Variants in NTRK3 observed in about 807,000 individuals in gnomAD.
The protein encoded by NTRK3 is NT-3 growth factor receptor.
In NTRK3, 24 loss-of-function variants were observed where a neutral mutation model predicts 91.7. That is an observed-to-expected ratio of 0.26 (90% CI 0.19 to 0.37). The LOEUF (loss-of-function observed/expected upper bound fraction) is 0.37, where lower values mean the gene tolerates loss of function less well. NTRK3 is among the 10% of genes least tolerant of loss of function. The pLI, the probability that NTRK3 is intolerant of heterozygous loss-of-function variation, is 1.00. For missense variants in NTRK3, 880 were observed against 1,068.9 expected, an observed-to-expected ratio of 0.82 and a Z score of 2.46; for synonymous variants, 483 against 404.0, an observed-to-expected ratio of 1.20 and a Z score of -2.34.
intron 13 of NTRK3, among the ~76,000 whole-genome samples, chr15:88,047,836 T>C (rs1291398759): frequency 1.3e-5 from 2 of 152,120 alleles, no homozygotes; most frequent in African/African-American, 2.4e-5. Flanking sequence ...GTAAGCCTGA[T>C]AAAAAGTAAC....
chr15:87,986,690 C>T (rs1399196480), intron 14 of NTRK3, among the ~76,000 whole-genome samples: 1 of 152,216 alleles, frequency 6.6e-6, no homozygotes, highest in African/African-American at 2.4e-5. Flanking sequence ...CCAACTGACA[C>T]TTGTTTCTAT....
At chr15:87,867,493 G>T (rs566065005) in exon 19 of NTRK3, 1 of 230,022 alleles carries the variant, frequency 4.3e-6, no homozygotes, top group East Asian at 6.2e-5. Context: ...TCTTGAGATG[G>T]TATATAATAT....
intron 3 of NTRK3, among the ~76,000 whole-genome samples, chr15:88,204,535 T>G (rs11857753): frequency 0.064 from 9,684 of 152,208 alleles, 950 homozygotes; most frequent in African/African-American, 0.21. Flanking sequence ...CTTGGCCAGG[T>G]TCTCCTTCCA....
At chr15:88,149,135 C>G (rs112219234) in intron 5 of NTRK3, among the ~76,000 whole-genome samples, 8 of 152,080 alleles carry the variant, frequency 5.3e-5, no homozygotes, top group Non-Finnish European at 1.2e-4. Context: ...GGGAGGGAGT[C>G]CACCCAGTTC....
At chr15:88,225,368 C>A (rs1465503096) in intron 3 of NTRK3, among the ~76,000 whole-genome samples, 1 of 152,142 alleles carries the variant, frequency 6.6e-6, no homozygotes, top group African/African-American at 2.4e-5. Context: ...TACCCTGATC[C>A]TAAAAGAGAC....
At chr15:88,152,238 T>A (rs1428158532) in intron 5 of NTRK3, among the ~76,000 whole-genome samples, 1 of 152,058 alleles carries the variant, frequency 6.6e-6, no homozygotes, top group Non-Finnish European at 1.5e-5. Context: ...GAGGTGGAAG[T>A]TGCAGTGAGC....
intron 3 of NTRK3, among the ~76,000 whole-genome samples, chr15:88,205,267 G>A (rs900647054): frequency 6.6e-6 from 1 of 152,140 alleles, no homozygotes; most frequent in Non-Finnish European, 1.5e-5. Context: ...CACAAGGGAT[G>A]ACAGACTTCC....
intron 13 of NTRK3, among the ~76,000 whole-genome samples, chr15:88,064,803 T>C (rs964791623): frequency 3.9e-5 from 6 of 152,218 alleles, no homozygotes; most frequent in Admixed American, 6.5e-5. Flanking sequence ...TTCTTCACTT[T>C]AGGGCTCCCT....
At position 88,234,399 on chromosome 15, in the gene NTRK3, A is replaced by G. The variant is rs1010621049; in HGVS notation, c.248+21507T>C. Among the ~76,000 whole-genome samples, 6 of 152,228 alleles carry G rather than the reference A, an allele frequency of 3.9e-5. No individual in the cohort carries two copies. Among genetic ancestry groups the G allele is most frequent in the African/African-American group, 1.4e-4 (6 of 41,464 alleles). Reference sequence around the variant, plus strand: ...GCTGGACCAAACACCAGCCATCATTATAAGAAGCCCATATTCCTTGGGCCT... The same window carrying G: ...GCTGGACCAAACACCAGCCATCATTGTAAGAAGCCCATATTCCTTGGGCCT... On this transcript the variant is annotated intron_variant, in intron 3 of 18. Transcript: ENST00000394480. The surrounding 1 kb of genome is among the most constrained non-coding windows in gnomAD (Gnocchi z 6.1).
chr15:88,127,394 A>C (rs2053405133), intron 11 of NTRK3, among the ~76,000 whole-genome samples, 168 bp from the exon 12 acceptor site: 1 of 148,080 alleles, frequency 6.8e-6, no homozygotes, highest in African/African-American at 2.5e-5. Context: ...AGGACCCCCC[A>C]CCCCCACAGA....
At chr15:88,148,077 GA>G (rs1195877414) in intron 5 of NTRK3, among the ~76,000 whole-genome samples, 2 of 152,246 alleles carry the variant, frequency 1.3e-5, no homozygotes, top group East Asian at 3.8e-4. Flanking sequence ...GACACTGCTA[GA>G]ATTGAAGTGG....
At chr15:88,074,979 C>T (rs2047407707) in intron 13 of NTRK3, among the ~76,000 whole-genome samples, 1 of 152,218 alleles carries the variant, frequency 6.6e-6, no homozygotes, top group African/African-American at 2.4e-5. Context: ...TTTCCCCTTA[C>T]ACCCAATTCC....
At chr15:88,002,644 C>A (rs2076195675) in intron 14 of NTRK3, among the ~76,000 whole-genome samples, 1 of 139,074 alleles carries the variant, frequency 7.2e-6, no homozygotes, top group Non-Finnish European at 1.6e-5. Flanking sequence ...TAAAAAGAGA[C>A]AGTTTTTTAA....
intron 13 of NTRK3, among the ~76,000 whole-genome samples, chr15:88,085,907 T>G (rs749064630): frequency 6.6e-6 from 1 of 152,136 alleles, no homozygotes; most frequent in Non-Finnish European, 1.5e-5. Context: ...GAGGAGCTAA[T>G]AGGATATATG....
chr15:88,003,988 C>T (rs766615822), intron 14 of NTRK3, among the ~76,000 whole-genome samples: 2 of 152,072 alleles, frequency 1.3e-5, no homozygotes, highest in Admixed American at 6.5e-5. Flanking sequence ...TTCAGGGCCA[C>T]GCACCCATAA....
chr15:88,175,381 TAGAGAG>T (rs10692744), intron 5 of NTRK3, among the ~76,000 whole-genome samples: 2 of 149,616 alleles, frequency 1.3e-5, no homozygotes, highest in South Asian at 2.1e-4. Flanking sequence ...CACAGAGAGA[TAGAGAG>T]AGAGAGAGAG....
intron 17 of NTRK3, among the ~76,000 whole-genome samples, chr15:87,909,893 G>T (rs1567096000): frequency 6.6e-6 from 1 of 152,216 alleles, no homozygotes; most frequent in Non-Finnish European, 1.5e-5. Context: ...AACCCTGTTG[G>T]CACCTTGGTC....
At chr15:88,166,477 C>T (rs1271001526) in intron 5 of NTRK3, among the ~76,000 whole-genome samples, 8 of 152,188 alleles carry the variant, frequency 5.3e-5, no homozygotes, top group Non-Finnish European at 7.3e-5. Flanking sequence ...GGACTAGGGC[C>T]TGGGCGCTTC....
intron 6 of NTRK3, among the ~76,000 whole-genome samples, chr15:88,147,022 G>T (rs1210106225): frequency 6.6e-6 from 1 of 151,904 alleles, no homozygotes; most frequent in Non-Finnish European, 1.5e-5. Context: ...TTATGAATGT[G>T]ATTTATTATA....
Sources: allele counts gnomAD v4.1 joint callset (sites outside exome capture counted in the v4.1 genomes callset), GRCh38; gene constraint gnomAD v4.1.1; non-coding constraint Gnocchi (gnomAD v3.1); transcripts MANE v1.5; gene names NCBI Gene and HGNC (gene_info 2026-07-23, HGNC 2026-07-21).